CCR4: variants seen among roughly 807,000 people sequenced by gnomAD.
CCR4 encodes the protein C-C chemokine receptor type 4.
Under a neutral mutation model 17.1 loss-of-function variants are expected in CCR4, and 9 were observed. The observed-to-expected ratio is 0.53, with a 90% confidence interval of 0.32 to 0.92. The LOEUF is 0.92. Among genes scored for constraint, CCR4 ranks in the 40% least tolerant of loss-of-function variants. The probability of loss-of-function intolerance (pLI) is 0.04; values close to 1 mark genes in which losing one functional copy is unlikely to be tolerated. For synonymous variants in CCR4, 217 were observed against 174.3 expected, an observed-to-expected ratio of 1.24 and a Z score of -1.93; for missense variants, 385 against 433.9, an observed-to-expected ratio of 0.89 and a Z score of 1.00.
In CCR4 at chr3:32,953,687, G is replaced by A. The variant is rs1410395535; in HGVS notation, c.265G>A (p.Val89Met). ...LNLAISDLLF[V>M]FSLPFWGYYA... ...CCTTGCCATCTCGGATCTGCTCTTC[G>A]TGTTTTCCCTCCCTTTTTGGGGCTA... The change falls in exon 2 of 2, where the codon GTG (valine) becomes ATG (methionine). Residue 89 changes from valine (V) to methionine (M), a missense_variant. Coordinates refer to ENST00000330953, the MANE Select transcript of CCR4 (RefSeq NM_005508.5). 5 of 1,613,892 alleles carry A rather than the reference G, an allele frequency of 3.1e-6. No homozygotes were observed. Among genetic ancestry groups the A allele is most frequent in the African/African-American group, 1.3e-5 (1 of 74,828 alleles).
rs2125707613 is a variant in CCR4, at chr3:32,955,959, C to T, written c.*1454C>T. On this transcript the variant is annotated 3_prime_UTR_variant, in exon 2 of 2. Coordinates refer to ENST00000330953, the MANE Select transcript of CCR4 (RefSeq NM_005508.5). ...ATTTTATTTTTGAGATGGAGTCTCA[C>T]TCTGTCACCCAAGCTGGAGTGCAGT... 6.6e-6 allele frequency: 1 copy of T among 152,664 alleles called. No individual in the cohort carries two copies. The highest frequency in any genetic ancestry group is 2.4e-5 in the African/African-American group (1 of 41,112). 9.5% of individuals were successfully genotyped at this position (152,664 alleles called of 1,614,324 possible). A position where few individuals can be genotyped will look rare whatever the true frequency, so the allele number is the denominator to read the frequency against.
At chr3:32,952,394 A>G (rs745505431) in intron 1 of CCR4, among the ~76,000 whole-genome samples, 1 of 152,072 alleles carries the variant, frequency 6.6e-6, no homozygotes, top group Non-Finnish European at 1.5e-5. Flanking sequence ...AGCTGGTACT[A>G]TCAGCACGTA....
intron 1 of CCR4, 115 bp from the exon 2 acceptor site, chr3:32,953,256 TG>T (rs1697697680): frequency 5.8e-6 from 4 of 693,284 alleles, no homozygotes; most frequent in Admixed American, 3.5e-5. Context: ...CCCTTCATCT[TG>T]GGAAAGGCAT....
chr3:32,952,935 T>C (rs1291932008), intron 1 of CCR4, among the ~76,000 whole-genome samples: 1 of 152,196 alleles, frequency 6.6e-6, no homozygotes, highest in African/African-American at 2.4e-5. Flanking sequence ...AGAATTGATT[T>C]TTACGTGCAG....
rs771342833 is a variant in CCR4 at position 32,953,541 on chromosome 3, T to A, written c.119T>A (p.Leu40His). 4 of 1,614,120 alleles carry A rather than the reference T, an allele frequency of 2.5e-6. No homozygotes were observed. In the Admixed American group the frequency reaches 6.7e-5, roughly 27 times the overall value. ...TKEGIKAFGELFLPPLYSLVF... is the reference protein window; with the variant it reads ...TKEGIKAFGEHFLPPLYSLVF... Reference sequence around the variant, plus strand: ...GAAGGCATCAAGGCATTTGGGGAGCTCTTCCTGCCCCCACTGTATTCCTTG... The same window carrying A: ...GAAGGCATCAAGGCATTTGGGGAGCACTTCCTGCCCCCACTGTATTCCTTG... The change falls in exon 2 of 2, where the codon CTC (leucine) becomes CAC (histidine). Residue 40 changes from leucine (L) to histidine (H), a missense_variant. Transcript: ENST00000330953.
rs1343982558 is a variant in CCR4 at position 32,955,215 on chromosome 3, T to C, written c.*710T>C. The C allele has an allele frequency of 1.8e-5, 3 of 167,036 alleles. No homozygotes were observed. Among genetic ancestry groups the C allele is most frequent in the African/African-American group, 4.8e-5 (2 of 41,456 alleles). The allele number at this position is 167,036 out of a possible 1,614,324, so 10.3% of individuals were successfully genotyped here. A position where few individuals can be genotyped will look rare whatever the true frequency, so the allele number is the denominator to read the frequency against. The stretch of plus-strand genomic sequence containing the variant: ...ACAGTTTCTCACTTGTTTGTGGACA[T>C]GTTTTGTTCTAATTTTAACAGAGGA... On this transcript the variant is annotated 3_prime_UTR_variant, in exon 2 of 2. Coordinates refer to ENST00000330953, the MANE Select transcript of CCR4 (RefSeq NM_005508.5).
chr3:32,953,555 C>T lies in CCR4; in HGVS notation c.133C>T (p.Leu45=), dbSNP rs759881620. Residue 45 remains leucine (L), a synonymous_variant, in exon 2 of 2, where the codon CTG becomes TTG. Transcript: ENST00000330953. ...ATTTGGGGAGCTCTTCCTGCCCCCACTGTATTCCTTGGTTTTTGTATTTGG... is the reference window on the plus strand; with the variant it reads ...ATTTGGGGAGCTCTTCCTGCCCCCATTGTATTCCTTGGTTTTTGTATTTGG... ...KAFGELFLPP[L]YSLVFVFGLL... is the part of the protein sequence containing the mutation. The T allele has an allele frequency of 6.2e-7, 1 of 1,614,158 alleles. No homozygotes were observed. The highest frequency in any genetic ancestry group is 1.7e-5 in the Admixed American group (1 of 60,020).
rs181979629 is a variant in CCR4, at chr3:32,954,094, G to T, written c.672G>T (p.Met224Ile). The T allele has an allele frequency of 1.1e-5, 17 of 1,614,132 alleles. No individual in the cohort carries two copies. Among genetic ancestry groups the T allele is most frequent in the Middle Eastern group, 3.3e-4 (2 of 6,062 alleles). Residue 224 changes from methionine (M) to isoleucine (I), a missense_variant, in exon 2 of 2, where the codon ATG becomes ATT. Physicochemically the swap from Met to Ile is conservative, Grantham distance 10. Coordinates refer to ENST00000330953, the MANE Select transcript of CCR4 (RefSeq NM_005508.5). ...GGATCATGCTGTTTTGCTACTCCAT[G>T]ATCATCAGGACCTTGCAGCATTGTA... ...PLGIMLFCYS[M>I]IIRTLQHCKN...
rs775907855 is a variant in CCR4 at position 32,953,686 on chromosome 3, C to T, written c.264C>T (p.Phe88=). Residue 88 remains phenylalanine, a synonymous_variant, in exon 2 of 2, where the codon TTC becomes TTT. Coordinates refer to ENST00000330953, the MANE Select transcript of CCR4 (RefSeq NM_005508.5). ...ACCTTGCCATCTCGGATCTGCTCTT[C>T]GTGTTTTCCCTCCCTTTTTGGGGCT... is the stretch of plus-strand genomic sequence containing the variant. ...LLNLAISDLL[F]VFSLPFWGYY... is the part of the protein sequence containing the mutation. 16 of 1,613,950 alleles carry T rather than the reference C, an allele frequency of 9.9e-6. No individual in the cohort carries two copies. In the East Asian group the frequency reaches 1.3e-4, roughly 13 times the overall value.
At position 32,954,436 on chromosome 3, in the gene CCR4, C is replaced by T. The variant is rs2228428; in HGVS notation, c.1014C>T (p.Tyr338=). Residue 338 remains tyrosine (Y), a synonymous_variant, in exon 2 of 2, where the codon TAC becomes TAT. Transcript: ENST00000330953. ...LCQYCGLLQI[Y]SADTPSSSYT... ...AATACTGTGGGCTCCTCCAAATTTA[C>T]TCTGCTGACACCCCCAGCTCATCTT... is the stretch of plus-strand genomic sequence containing the variant. The T allele has an allele frequency of 0.28, 446,514 of 1,592,612 alleles. 67,171 individuals carry two copies. The highest frequency in any genetic ancestry group is 0.36 in the Middle Eastern group (2,105 of 5,924).
chr3:32,953,403 G>A lies in CCR4; in HGVS notation c.-20G>A. On this transcript the variant is annotated 5_prime_UTR_variant, in exon 2 of 2. Transcript: ENST00000330953. ...CTGGTTGGGCCCAGACCTGCCTTGA[G>A]GAGCCTGTAGAGTTAAAAAATGAAC... 6.4e-7 allele frequency: 1 copy of A among 1,573,070 alleles called. No individual in the cohort carries two copies. Among genetic ancestry groups the A allele is most frequent in the Non-Finnish European group, 8.6e-7 (1 of 1,162,198 alleles).
At position 32,954,317 on chromosome 3, in the gene CCR4, C is replaced by T; in HGVS notation, c.895C>T (p.Leu299Phe). Reference sequence around the variant, plus strand: ...AACTCTGGCTTTTGTTCACTGCTGCCTTAATCCCATCATCTACTTTTTTCT... The same window carrying T: ...AACTCTGGCTTTTGTTCACTGCTGCTTTAATCCCATCATCTACTTTTTTCT... The part of the protein sequence containing the change: ...TETLAFVHCC[L>F]NPIIYFFLGE... Residue 299 changes from leucine (L) to phenylalanine (F), a missense_variant, in exon 2 of 2, where the codon CTT becomes TTT. Transcript: ENST00000330953. 1.2e-6 allele frequency: 2 copies of T among 1,614,096 alleles called. No homozygotes were observed. Among genetic ancestry groups the T allele is most frequent in the East Asian group, 2.2e-5 (1 of 44,872 alleles).
At position 32,954,539 on chromosome 3, in the gene CCR4, C is replaced by T. The variant is rs373086385; in HGVS notation, c.*34C>T. The T allele has an allele frequency of 4.7e-6, 7 of 1,503,500 alleles. No individual in the cohort carries two copies. Among genetic ancestry groups the T allele is most frequent in the Non-Finnish European group, 6.2e-6 (7 of 1,129,452 alleles). 93.1% of individuals were successfully genotyped at this position (1,503,500 alleles called of 1,614,324 possible). A position where few individuals can be genotyped will look rare whatever the true frequency, so the allele number is the denominator to read the frequency against. Reference sequence around the variant, plus strand: ...AATGGTGAAATGCAGAGTCAATGAACTTTCCACATTCAGAGCTTACTTAAA... The same window carrying T: ...AATGGTGAAATGCAGAGTCAATGAATTTTCCACATTCAGAGCTTACTTAAA... On this transcript the variant is annotated 3_prime_UTR_variant, in exon 2 of 2. Coordinates refer to ENST00000330953, the MANE Select transcript of CCR4 (RefSeq NM_005508.5).
chr3:32,952,729 G>A (rs192978912), intron 1 of CCR4, among the ~76,000 whole-genome samples: 2 of 152,206 alleles, frequency 1.3e-5, no homozygotes, highest in South Asian at 2.1e-4. Flanking sequence ...GCCTTGAGTC[G>A]GAAAGCCCTT....
At position 32,955,661 on chromosome 3, in the gene CCR4, G is replaced by C. The variant is rs1695712078; in HGVS notation, c.*1156G>C. ...ATCTTGCTCTGTCACCCAGTCTGGA[G>C]TGCAGTGGCGCGATCTCGGCTCACT... On this transcript the variant is annotated 3_prime_UTR_variant, in exon 2 of 2. Transcript: ENST00000330953. 7.4e-6 allele frequency: 1 copy of C among 135,838 alleles called. No homozygotes were observed. Among genetic ancestry groups the C allele is most frequent in the South Asian group, 2.7e-4 (1 of 3,642 alleles). The allele number at this position is 135,838 out of a possible 1,614,324, so 8.4% of individuals were successfully genotyped here.
In CCR4 at chr3:32,953,830, C is replaced by T; in HGVS notation, c.408C>T (p.Tyr136=). The T allele has an allele frequency of 6.2e-7, 1 of 1,614,028 alleles. No individual in the cohort carries two copies. Among genetic ancestry groups the T allele is most frequent in the Non-Finnish European group, 8.5e-7 (1 of 1,179,980 alleles). Reference sequence around the variant, plus strand: ...TCATGCTCATGAGCATTGATAGATACCTGGCAATTGTGCACGCGGTGTTTT... The same window carrying T: ...TCATGCTCATGAGCATTGATAGATATCTGGCAATTGTGCACGCGGTGTTTT... ...FFVMLMSIDR[Y]LAIVHAVFSL... Residue 136 remains tyrosine, a synonymous_variant, in exon 2 of 2, where the codon TAC becomes TAT. Transcript: ENST00000330953.
At chr3:32,952,764 A>G (rs1458116456) in intron 1 of CCR4, among the ~76,000 whole-genome samples, 2 of 152,172 alleles carry the variant, frequency 1.3e-5, no homozygotes, top group East Asian at 1.9e-4. Context: ...TCTGATACAC[A>G]TGTCAGCATG....
rs1191713351 is a variant in CCR4, at chr3:32,955,604, G to GTTTTT, written c.*1118_*1122dup. On this transcript the variant is annotated 3_prime_UTR_variant, in exon 2 of 2. Transcript: ENST00000330953. Reference sequence around the variant, plus strand: ...TACATTTATTTGAGGTCATTTACTTGTTTTTTTTTTTTTTTTTTTTTTTGA... The same window carrying GTTTTT: ...TACATTTATTTGAGGTCATTTACTTGTTTTTTTTTTTTTTTTTTTTTTTTTTTTGA... 93 of 85,688 alleles carry GTTTTT rather than the reference G, an allele frequency of 1.1e-3. 4 individuals are homozygous for GTTTTT. The highest frequency in any genetic ancestry group is 1.2e-3 in the Non-Finnish European group (53 of 45,022). The allele number at this position is 85,688 out of a possible 1,614,324, so 5.3% of individuals were successfully genotyped here. A position where few individuals can be genotyped will look rare whatever the true frequency, so the allele number is the denominator to read the frequency against.
intron 1 of CCR4, among the ~76,000 whole-genome samples, chr3:32,952,172 G>T (rs1225435237): frequency 2.6e-5 from 4 of 152,160 alleles, no homozygotes; most frequent in African/African-American, 4.8e-5. Context: ...GAGACTCTGT[G>T]ATGTAACAGG....
Sources: allele counts gnomAD v4.1 joint callset (sites outside exome capture counted in the v4.1 genomes callset), GRCh38; gene constraint gnomAD v4.1.1; transcripts MANE v1.5; gene names NCBI Gene and HGNC (gene_info 2026-07-23, HGNC 2026-07-21).